Variants in KCNQ5 observed in about 807,000 individuals in gnomAD.
KCNQ5 encodes potassium voltage-gated channel subfamily KQT member 5.
In KCNQ5, 30 loss-of-function variants were observed where a neutral mutation model predicts 98.2. The ratio of observed to expected loss-of-function variants is 0.31; its 90% confidence interval spans 0.23 to 0.41. KCNQ5 has a LOEUF of 0.41. Ranked by LOEUF, KCNQ5 falls within the 10% of genes least tolerant of loss-of-function variation. KCNQ5 has a pLI of 1.00. For missense variants in KCNQ5, 835 were observed against 1,182.5 expected (o/e 0.71, Z 4.31); for synonymous variants, 458 against 449.4 (o/e 1.02, Z -0.24).
At chr6:72,831,203 A>T (rs112253106) in intron 1 of KCNQ5, among the ~76,000 whole-genome samples, 6,972 of 152,228 alleles carry the variant, frequency 0.046, 280 homozygotes, top group African/African-American at 0.11. Flanking sequence ...TAGAAATACC[A>T]TTTCACCCAG....
intron 5 of KCNQ5, among the ~76,000 whole-genome samples, chr6:73,090,977 T>C (rs1307219798): frequency 6.6e-6 from 1 of 152,222 alleles, no homozygotes; most frequent in Non-Finnish European, 1.5e-5. Context: ...ACTGGGTATA[T>C]ACCCAAAGTA....
At chr6:72,859,529 C>G (rs903894136) in intron 1 of KCNQ5, among the ~76,000 whole-genome samples, 10 of 151,954 alleles carry the variant, frequency 6.6e-5, no homozygotes, top group African/African-American at 2.4e-4. Flanking sequence ...TCAAATTTAA[C>G]TCTGTATTTT....
chr6:73,011,697 G>T (rs78559172), intron 2 of KCNQ5, among the ~76,000 whole-genome samples: 1 of 152,028 alleles, frequency 6.6e-6, no homozygotes, highest in Admixed American at 6.6e-5. Context: ...CACAGAATGA[G>T]AGAAAATATC....
intron 1 of KCNQ5, among the ~76,000 whole-genome samples, chr6:72,760,448 G>C (rs967794305): frequency 1.8e-4 from 2 of 10,986 alleles, no homozygotes; most frequent in African/African-American, 2.1e-3. Context: ...TCAGGAGTAC[G>C]TGTGTGTGTG....
At position 73,186,315 on chromosome 6, in the gene KCNQ5, C is replaced by A. The variant is rs1347899022; in HGVS notation, c.1578-4258C>A. Among the ~76,000 whole-genome samples, 4 of 152,032 alleles carry A rather than the reference C, an allele frequency of 2.6e-5. No individual in the cohort carries two copies. The East Asian group carries it at 7.7e-4, about 29-fold the overall frequency. ...ACCATAGAACCTGATTTAGAACTTT[C>A]ATATCTCACTTTGAATCTCTTTAAT... On this transcript the variant is annotated intron_variant, in intron 11 of 13. Coordinates refer to ENST00000370398, the MANE Select transcript of KCNQ5 (RefSeq NM_019842.4).
intron 1 of KCNQ5, among the ~76,000 whole-genome samples, chr6:72,765,552 A>G (rs1041026339): frequency 3.9e-5 from 6 of 151,980 alleles, no homozygotes; most frequent in Non-Finnish European, 7.4e-5. Context: ...GAGGGACCAG[A>G]TATTATCAAA....
intron 11 of KCNQ5, among the ~76,000 whole-genome samples, chr6:73,177,274 C>T (rs1174103949): frequency 1.3e-5 from 2 of 152,324 alleles, no homozygotes; most frequent in South Asian, 4.1e-4. Flanking sequence ...GAATCTCTCA[C>T]TCTAATATGA....
chr6:72,809,398 A>T (rs182467916), intron 1 of KCNQ5, among the ~76,000 whole-genome samples: 4 of 152,206 alleles, frequency 2.6e-5, no homozygotes, highest in East Asian at 3.9e-4. Flanking sequence ...ATAATAATAA[A>T]AAAAATAGCC....
At chr6:72,866,291 G>A (rs980178864) in intron 1 of KCNQ5, among the ~76,000 whole-genome samples, 2 of 137,104 alleles carry the variant, frequency 1.5e-5, no homozygotes, top group African/African-American at 2.8e-5. Context: ...TCTCACTCTG[G>A]TTGCCCAGGC....
chr6:73,124,371 G>A (rs191455745), intron 8 of KCNQ5, 115 bp from the exon 9 acceptor site: 43 of 869,782 alleles, frequency 4.9e-5, no homozygotes, highest in Non-Finnish European at 7.8e-5. Context: ...GATCTTGCAT[G>A]AAAAGAGTTA....
intron 1 of KCNQ5, among the ~76,000 whole-genome samples, chr6:72,715,477 C>T (rs1297983899): frequency 1.3e-5 from 2 of 152,150 alleles, no homozygotes; most frequent in East Asian, 1.9e-4. Context: ...ATTACAAAGA[C>T]TTTCTTGGTA....
intron 1 of KCNQ5, among the ~76,000 whole-genome samples, chr6:72,942,274 G>A (rs1441470001): frequency 3.9e-5 from 6 of 152,100 alleles, no homozygotes; most frequent in South Asian, 4.1e-4. Flanking sequence ...CATTTTAAAT[G>A]TTATTCACTG....
intron 1 of KCNQ5, among the ~76,000 whole-genome samples, chr6:72,769,679 A>G (rs1772758262): frequency 6.6e-6 from 1 of 152,110 alleles, no homozygotes; most frequent in South Asian, 2.1e-4. Flanking sequence ...CTACTGACAT[A>G]CAGAAGGAAA....
At chr6:73,057,737 G>GA (rs111342128) in intron 3 of KCNQ5, among the ~76,000 whole-genome samples, 12 of 151,088 alleles carry the variant, frequency 7.9e-5, no homozygotes, top group East Asian at 7.8e-4. Flanking sequence ...CACAGAATTA[G>GA]AAAAAAAAAT....
intron 1 of KCNQ5, among the ~76,000 whole-genome samples, chr6:72,859,829 A>G (rs1777689811): frequency 6.6e-6 from 1 of 151,990 alleles, no homozygotes; most frequent in South Asian, 2.1e-4. Flanking sequence ...GGCTCAAGTG[A>G]TCTGCCTGCC....
At chr6:73,143,483 C>G (rs1776799390) in intron 10 of KCNQ5, 1 of 152,270 alleles carries the variant, frequency 6.6e-6, no homozygotes, top group African/African-American at 2.4e-5. Context: ...TCTTGCCTCT[C>G]ATTCCTCCCA....
intron 1 of KCNQ5, among the ~76,000 whole-genome samples, chr6:72,633,899 G>T (rs1399802237): frequency 6.6e-6 from 1 of 152,148 alleles, no homozygotes; most frequent in African/African-American, 2.4e-5. Flanking sequence ...ATGGATTAAA[G>T]ATTTAAATAT....
At chr6:73,004,914 A>G (rs1427769809) in intron 2 of KCNQ5, among the ~76,000 whole-genome samples, 2 of 152,224 alleles carry the variant, frequency 1.3e-5, no homozygotes, top group African/African-American at 4.8e-5. Flanking sequence ...TTACAGCAAT[A>G]AATATTGAAT....
intron 5 of KCNQ5, 41 bp downstream of exon 5, chr6:73,077,928 A>T (rs1375825645): frequency 1.3e-6 from 2 of 1,528,172 alleles, no homozygotes; most frequent in Admixed American, 4.2e-5. Context: ...GGATGTTGTG[A>T]ATTGTTTTTT....
Sources: gnomAD v4.1 joint callset for allele counts (sites outside exome capture counted in the v4.1 genomes callset) on GRCh38, gnomAD v4.1.1 for gene constraint, MANE v1.5 for transcripts, NCBI Gene and HGNC (gene_info 2026-07-23, HGNC 2026-07-21) for gene names.